FBXO11: variants seen among roughly 807,000 people sequenced by gnomAD.
FBXO11 encodes the protein F-box protein 11, also known as F-box only protein 11.
A neutral mutation model predicts 117.0 loss-of-function variants in FBXO11; 13 were observed. The observed-to-expected ratio is 0.11, with a 90% CI of 0.07 to 0.18. The LOEUF is 0.18. Among genes scored for constraint, FBXO11 ranks in the 10% least tolerant of loss-of-function variants. FBXO11 has a pLI of 1.00. For synonymous variants in FBXO11, 490 were observed against 380.5 expected, an observed-to-expected ratio of 1.29 and a Z score of -3.35; for missense variants, 767 against 1,164.4, an observed-to-expected ratio of 0.66 and a Z score of 4.97.
At chr2:47,812,096 T>C (rs1211970307) in intron 18 of FBXO11, among the ~76,000 whole-genome samples, 1 of 151,488 alleles carries the variant, frequency 6.6e-6, no homozygotes, top group Non-Finnish European at 1.5e-5. Context: ...CCAAACTCCT[T>C]ACTGCATATG....
At chr2:47,818,137 G>A (rs1217144168) in intron 16 of FBXO11, among the ~76,000 whole-genome samples, 2 of 152,186 alleles carry the variant, frequency 1.3e-5, no homozygotes, top group Non-Finnish European at 2.9e-5. Context: ...AAGGATCACT[G>A]ATCAGAGATC....
intron 1 of FBXO11, among the ~76,000 whole-genome samples, chr2:47,847,425 A>C (rs1187943285): frequency 6.6e-6 from 1 of 152,146 alleles, no homozygotes; most frequent in Non-Finnish European, 1.5e-5. Context: ...ATATAGTATC[A>C]TGGCTGGGTG....
intron 11 of FBXO11, among the ~76,000 whole-genome samples, chr2:47,825,920 T>G (rs1041908627): frequency 2.0e-5 from 3 of 151,810 alleles, no homozygotes; most frequent in Non-Finnish European, 2.9e-5. Flanking sequence ...CAAGCAAAAT[T>G]TGATACCTCT....
intron 11 of FBXO11, among the ~76,000 whole-genome samples, chr2:47,830,937 T>C (rs1672134757): frequency 1.3e-5 from 2 of 152,102 alleles, no homozygotes; most frequent in Admixed American, 1.3e-4. Flanking sequence ...TAGCTGGGAC[T>C]ACAGGTGTGA....
At chr2:47,879,584 G>C (rs1199490618) in intron 1 of FBXO11, among the ~76,000 whole-genome samples, 3 of 152,114 alleles carry the variant, frequency 2.0e-5, no homozygotes, top group Non-Finnish European at 2.9e-5. Flanking sequence ...CGGTTTTTAT[G>C]GGGTTGCAAG....
intron 11 of FBXO11, among the ~76,000 whole-genome samples, chr2:47,826,050 C>A (rs60154625): frequency 6.6e-6 from 1 of 151,996 alleles, no homozygotes; most frequent in Admixed American, 6.6e-5. Flanking sequence ...GACTCAAGTA[C>A]ATCCACAAGT....
At chr2:47,822,764 G>C (rs1044455615) in intron 12 of FBXO11, among the ~76,000 whole-genome samples, 1 of 152,128 alleles carries the variant, frequency 6.6e-6, no homozygotes, top group Non-Finnish European at 1.5e-5. Context: ...GAATCTTTGA[G>C]ATATTTTTCC....
intron 1 of FBXO11, among the ~76,000 whole-genome samples, chr2:47,877,016 T>A (rs968989109): frequency 1.3e-5 from 2 of 151,954 alleles, no homozygotes; most frequent in African/African-American, 4.8e-5. Context: ...CTAGTACACA[T>A]CTAATGACAT....
intron 1 of FBXO11, among the ~76,000 whole-genome samples, chr2:47,847,456 C>T (rs907572394): frequency 1.3e-5 from 2 of 152,150 alleles, no homozygotes; most frequent in Admixed American, 6.5e-5. Context: ...CGCCTGTAAT[C>T]CCAGCACTTT....
rs1177743658 is a variant in FBXO11, at chr2:47,835,967, G to A, written c.622C>T (p.Arg208Cys). Residue 208 changes from arginine (R) to cysteine (C), a missense_variant, in exon 5 of 23, where the codon CGC becomes TGC. Around this residue, in one of 10 missense-constraint regions of FBXO11, gnomAD observed 355 missense variants for 299.8 expected, o/e 1.18. Coordinates refer to ENST00000403359, the MANE Select transcript of FBXO11 (RefSeq NM_001190274.2). ...RLYMEVFEYT[R>C]PMMHPEPGKF... ...CCAGGTTCAGGATGCATCATAGGGC[G>A]AGTATATTCAAATACTTCCATATAT... The A allele has an allele frequency of 2.5e-6, 4 of 1,609,806 alleles. No individual in the cohort carries two copies. The highest frequency in any genetic ancestry group is 2.2e-5 in the East Asian group (1 of 44,796).
At chr2:47,859,722 T>A (rs1265199879) in intron 1 of FBXO11, among the ~76,000 whole-genome samples, 2 of 152,224 alleles carry the variant, frequency 1.3e-5, no homozygotes, top group Non-Finnish European at 2.9e-5. Context: ...CTTTAATCAT[T>A]TTGATTAAAA....
At chr2:47,877,576 C>CT (rs1223604302) in intron 1 of FBXO11, among the ~76,000 whole-genome samples, 2 of 152,132 alleles carry the variant, frequency 1.3e-5, no homozygotes, top group African/African-American at 4.8e-5. Flanking sequence ...CATTGTAACT[C>CT]TAAGTTGCAT....
At chr2:47,831,093 C>T (rs1672149144) in intron 11 of FBXO11, among the ~76,000 whole-genome samples, 1 of 151,634 alleles carries the variant, frequency 6.6e-6, no homozygotes, top group African/African-American at 2.4e-5. Context: ...GCCACTGCAC[C>T]CGGCCATGGT....
chr2:47,847,756 T>C (rs1018631284), intron 1 of FBXO11, among the ~76,000 whole-genome samples: 2 of 151,716 alleles, frequency 1.3e-5, no homozygotes, highest in Non-Finnish European at 2.9e-5. Flanking sequence ...ACCACCATCA[T>C]ATACAGTCTG....
At chr2:47,866,792 A>C (rs901874809) in intron 1 of FBXO11, among the ~76,000 whole-genome samples, 5 of 152,100 alleles carry the variant, frequency 3.3e-5, no homozygotes, top group African/African-American at 1.2e-4. Flanking sequence ...AGTTTTCCTA[A>C]AACCTTTCAG....
At chr2:47,838,140 G>T (rs1290186136) in intron 4 of FBXO11, among the ~76,000 whole-genome samples, 3 of 151,946 alleles carry the variant, frequency 2.0e-5, no homozygotes, top group African/African-American at 7.3e-5. Flanking sequence ...GGCTGAGGTG[G>T]GAGAATGGCT....
chr2:47,818,940 T>A lies in FBXO11; in HGVS notation c.1920+16A>T, dbSNP rs1429520194. 3.1e-6 allele frequency: 5 copies of A among 1,607,998 alleles called. No homozygotes were observed. In the Middle Eastern group the frequency reaches 6.6e-4, roughly 214 times the overall value. The stretch of plus-strand genomic sequence containing the variant: ...AAACAATGTATTTCCCATCCAAGAG[T>A]CCAGGCTAATCCTACCTGCTTGCCA... On this transcript the variant is annotated intron_variant, in intron 15 of 22. Coordinates refer to ENST00000403359, the MANE Select transcript of FBXO11 (RefSeq NM_001190274.2).
chr2:47,819,160 T>C (rs1338391694), intron 14 of FBXO11, 82 bp from the exon 15 acceptor site: 4 of 1,416,426 alleles, frequency 2.8e-6, no homozygotes, highest in East Asian at 2.3e-5. Flanking sequence ...TATAGACAGT[T>C]AAAAAATTTT....
rs1678781964 is a variant in FBXO11, at chr2:47,905,920, C to G, written c.-200G>C. On this transcript the variant is annotated 5_prime_UTR_variant, in exon 1 of 23. Transcript: ENST00000403359. ...AAAGGCCCGGGTAGACAGACGGAGA[C>G]CGAGCGAGGCCGGCCGGGAGGGCCT... 1.8e-6 allele frequency: 1 copy of G among 556,118 alleles called. No individual in the cohort carries two copies. Among genetic ancestry groups the G allele is most frequent in the Non-Finnish European group, 2.9e-6 (1 of 344,984 alleles). The allele number at this position is 556,118 out of a possible 1,614,324, so 34.4% of individuals were successfully genotyped here.
Sources: gnomAD v4.1 joint callset for allele counts (sites outside exome capture counted in the v4.1 genomes callset) on GRCh38, gnomAD v4.1.1 for gene constraint, gnomAD v4.1.1 regional missense constraint, MANE v1.5 for transcripts, NCBI Gene and HGNC (gene_info 2026-07-23, HGNC 2026-07-21) for gene names.